The following EPHA5 variants were observed in gnomAD, a reference collection of about 807,000 sequenced individuals.
The protein encoded by EPHA5 is ephrin type-A receptor 5.
In EPHA5, 60 loss-of-function variants were observed where a neutral mutation model predicts 105.0. The ratio of observed to expected loss-of-function variants is 0.57; its 90% CI spans 0.46 to 0.71. The LOEUF is 0.71. EPHA5 is among the 30% of genes least tolerant of loss of function. EPHA5 has a pLI of 0.00. For synonymous variants in EPHA5, 513 were observed against 449.1 expected, an observed-to-expected ratio of 1.14 and a Z score of -1.80; for missense variants, 1,218 against 1,274.7, an observed-to-expected ratio of 0.96 and a Z score of 0.68.
At chr4:65,402,902 A>T (rs1721987871) in intron 8 of EPHA5, among the ~76,000 whole-genome samples, 1 of 152,166 alleles carries the variant, frequency 6.6e-6, no homozygotes, top group African/African-American at 2.4e-5. Context: ...GAAAGCAGGG[A>T]TATAGGTTGT....
chr4:65,523,047 A>G (rs1401831731), intron 3 of EPHA5, among the ~76,000 whole-genome samples: 2 of 151,800 alleles, frequency 1.3e-5, no homozygotes, highest in East Asian at 3.9e-4. Context: ...AGTGGAATTA[A>G]TTTTTTCATG....
chr4:65,666,594 A>T (rs986717573), intron 1 of EPHA5, among the ~76,000 whole-genome samples: 4 of 152,208 alleles, frequency 2.6e-5, no homozygotes, highest in Non-Finnish European at 5.9e-5. Context: ...GTCTGTTTCT[A>T]AATATACCTC....
intron 2 of EPHA5, among the ~76,000 whole-genome samples, chr4:65,623,162 G>T (rs184227154): frequency 1.7e-4 from 26 of 151,898 alleles, no homozygotes; most frequent in Non-Finnish European, 3.4e-4. Flanking sequence ...AGAAAAGATG[G>T]GTTAGTACAC....
chr4:65,466,170 A>G (rs2149145102), intron 5 of EPHA5, among the ~76,000 whole-genome samples: 1 of 152,380 alleles, frequency 6.6e-6, no homozygotes, highest in East Asian at 1.9e-4. Context: ...AACTTTAAAT[A>G]GGATGGTCTG....
At chr4:65,593,079 T>A (rs1311822645) in intron 3 of EPHA5, among the ~76,000 whole-genome samples, 1 of 152,186 alleles carries the variant, frequency 6.6e-6, no homozygotes, top group Non-Finnish European at 1.5e-5. Context: ...GTCTGTTGTT[T>A]GACTTTTCCT....
At chr4:65,549,922 C>T (rs1423891533) in intron 3 of EPHA5, among the ~76,000 whole-genome samples, 5 of 152,018 alleles carry the variant, frequency 3.3e-5, no homozygotes, top group East Asian at 1.9e-4. Context: ...AATAGAGATG[C>T]TCAGAAGGCC....
rs371383493 is a variant in EPHA5, at chr4:65,578,041, A to G, written c.910+23600T>C. ...TACAAGTTAATTATAAATAATTTCA[A>G]TGCATAAAAATAAGCTACTTCTTGG... is the stretch of plus-strand genomic sequence containing the variant. On this transcript the variant is annotated intron_variant, in intron 3 of 16. Coordinates refer to ENST00000613740, the MANE Select transcript of EPHA5 (RefSeq NM_001281766.3). Among the ~76,000 whole-genome samples the G allele has an allele frequency of 3.3e-5, 5 of 152,306 alleles. No individual in the cohort carries two copies. In the South Asian group the frequency reaches 1.0e-3, roughly 32 times the overall value.
At chr4:65,369,021 T>C (rs1333278355) in intron 8 of EPHA5, among the ~76,000 whole-genome samples, 1 of 152,166 alleles carries the variant, frequency 6.6e-6, no homozygotes, top group Non-Finnish European at 1.5e-5. Flanking sequence ...TGATTTCTAG[T>C]CTATGCTGCA....
intron 2 of EPHA5, among the ~76,000 whole-genome samples, chr4:65,603,372 T>C (rs1379479420): frequency 6.6e-6 from 1 of 152,080 alleles, no homozygotes; most frequent in African/African-American, 2.4e-5. Flanking sequence ...AAGTGATATA[T>C]AATTTTAAAT....
At chr4:65,510,645 A>T (rs1475729143) in intron 3 of EPHA5, among the ~76,000 whole-genome samples, 1 of 152,174 alleles carries the variant, frequency 6.6e-6, no homozygotes, top group Non-Finnish European at 1.5e-5. Flanking sequence ...AGCACTCAAT[A>T]GCCGTTTTAA....
rs1241028701 is a variant in EPHA5, at chr4:65,365,999, T to A, written c.1920A>T (p.Gln640His). ...TCTCCTTAGCAAATTCGTGGACAGC[T>A]TGATTGGGATCCTCATAGGTATGTG... ...IDPHTYEDPN[Q>H]AVHEFAKEIE... The change falls in exon 10 of 17, where the codon CAA becomes CAT. Residue 640 changes from glutamine to histidine, a missense_variant. By Grantham distance (24) the Gln-to-His change is conservative. Around this residue, in one of 3 missense-constraint regions of EPHA5, gnomAD observed 971 missense variants for 1,013.5 expected, o/e 0.96. Transcript: ENST00000613740. The A allele has an allele frequency of 1.3e-5, 21 of 1,609,174 alleles. No homozygotes were observed. The highest frequency in any genetic ancestry group is 1.8e-5 in the Non-Finnish European group (21 of 1,176,644).
intron 3 of EPHA5, among the ~76,000 whole-genome samples, chr4:65,567,509 C>T (rs1170274148): frequency 6.6e-6 from 1 of 151,268 alleles, no homozygotes; most frequent in African/African-American, 2.4e-5. Flanking sequence ...AGGGCTCTGA[C>T]AAGAAAGAAA....
At chr4:65,434,140 C>A (rs1181329389) in intron 5 of EPHA5, among the ~76,000 whole-genome samples, 1 of 152,140 alleles carries the variant, frequency 6.6e-6, no homozygotes, top group Non-Finnish European at 1.5e-5. Context: ...ACTCTATTGG[C>A]TCTCTTATAT....
rs78217217 is a variant in EPHA5 at position 65,648,163 on chromosome 4, A to C, written c.182-4736T>G. ...AGCAAATAAATAAAATGGAATATGAATAAGAAGATTCCTAAATCCTCAACT... is the reference window on the plus strand; with the variant it reads ...AGCAAATAAATAAAATGGAATATGACTAAGAAGATTCCTAAATCCTCAACT... On this transcript the variant is annotated intron_variant, in intron 1 of 16. Coordinates refer to ENST00000613740, the MANE Select transcript of EPHA5 (RefSeq NM_001281766.3). 4.7e-4 allele frequency among the ~76,000 whole-genome samples: 71 copies of C among 152,234 alleles called. 1 individual carries two copies. The highest frequency in any genetic ancestry group is 6.5e-4 in the Admixed American group (10 of 15,288).
intron 3 of EPHA5, among the ~76,000 whole-genome samples, chr4:65,562,342 T>C (rs1364299231): frequency 6.6e-6 from 1 of 152,076 alleles, no homozygotes; most frequent in Non-Finnish European, 1.5e-5. Context: ...TGCTTCTCAA[T>C]TGTTTCTTTT....
intron 16 of EPHA5, 44 bp downstream of exon 16, chr4:65,331,929 C>A (rs766411858): frequency 1.3e-6 from 2 of 1,560,700 alleles, no homozygotes; most frequent in Admixed American, 3.9e-5. Flanking sequence ...AACAATTTTT[C>A]TTGCCCCAGC....
At chr4:65,521,988 C>T (rs1274504933) in intron 3 of EPHA5, among the ~76,000 whole-genome samples, 3 of 151,910 alleles carry the variant, frequency 2.0e-5, no homozygotes, top group Non-Finnish European at 4.4e-5. Context: ...CTTTTCCCTT[C>T]ACTTTACATT....
At chr4:65,652,942 T>A (rs1303753455) in intron 1 of EPHA5, among the ~76,000 whole-genome samples, 1 of 152,036 alleles carries the variant, frequency 6.6e-6, no homozygotes, top group Non-Finnish European at 1.5e-5. Context: ...AGCATGTTAA[T>A]GGGGGCAAAA....
intron 4 of EPHA5, 78 bp downstream of exon 4, chr4:65,495,310 A>G: frequency 1.4e-6 from 2 of 1,412,464 alleles, no homozygotes; most frequent in Non-Finnish European, 1.9e-6. Context: ...ATGTTACTAG[A>G]CTATAACAGG....
Sources: gnomAD v4.1 joint callset for allele counts (sites outside exome capture counted in the v4.1 genomes callset) on GRCh38, gnomAD v4.1.1 for gene constraint, gnomAD v4.1.1 regional missense constraint, MANE v1.5 for transcripts, NCBI Gene and HGNC (gene_info 2026-07-23, HGNC 2026-07-21) for gene names.